FYB2: variants seen among roughly 807,000 people sequenced by gnomAD.
FYB2 encodes the protein FYN-binding protein 2.
FYB2 carries 103 observed loss-of-function variants against 94.1 expected under a neutral mutation model. That is an observed-to-expected ratio of 1.09 (90% CI 0.93 to 1.29). The LOEUF is 1.29. Among genes scored for constraint, FYB2 ranks in the 50% most tolerant of loss-of-function variants. The pLI is 0.00. For synonymous variants in FYB2, 293 were observed against 287.9 expected (o/e 1.02, Z -0.18); for missense variants, 896 against 841.5 (o/e 1.06, Z -0.80).
intron 1 of FYB2, among the ~76,000 whole-genome samples, chr1:56,817,739 G>A (rs766708445): frequency 6.6e-6 from 1 of 152,072 alleles, no homozygotes; most frequent in Non-Finnish European, 1.5e-5. Context: ...TTCTCTCTCT[G>A]AGCAGTGAAA....
chr1:56,758,511 C>G (rs1645412214), intron 6 of FYB2, among the ~76,000 whole-genome samples: 1 of 152,110 alleles, frequency 6.6e-6, no homozygotes, highest in Admixed American at 6.6e-5. Context: ...GGGACCATTT[C>G]CTCCCATCCT....
intron 1 of FYB2, among the ~76,000 whole-genome samples, chr1:56,794,275 C>T (rs61765528): frequency 0.051 from 7,768 of 152,230 alleles, 254 homozygotes; most frequent in Non-Finnish European, 0.081. Flanking sequence ...GTAGGCTTAC[C>T]TCCTGCTCCA....
In FYB2 at chr1:56,751,152, T is replaced by C; in HGVS notation, c.1279A>G (p.Thr427Ala). ...CCAGCCAACATGTTCCTTCTACCTG[T>C]GTGGACGTTGGTCATCTGAATTTTT... ...PEKIQMTNVHTGRRNMLAGKQ... is the reference protein window; with the variant it reads ...PEKIQMTNVHAGRRNMLAGKQ... Residue 427 changes from threonine to alanine, a missense_variant, in exon 9 of 20, where the codon ACA (threonine) becomes GCA (alanine). Transcript: ENST00000343433. The C allele has an allele frequency of 8.7e-6, 14 of 1,612,764 alleles. No homozygotes were observed. Among genetic ancestry groups the C allele is most frequent in the Non-Finnish European group, 1.1e-5 (13 of 1,179,198 alleles).
chr1:56,763,915 TTTGC>T (rs774464116), intron 5 of FYB2, among the ~76,000 whole-genome samples: 45 of 152,058 alleles, frequency 3.0e-4, no homozygotes, highest in Non-Finnish European at 5.6e-4. Context: ...TTCTTTTAGA[TTTGC>T]TTGGTTTCTT....
chr1:56,821,581 A>G (rs1646992447), upstream of FYB2, among the ~76,000 whole-genome samples: 1 of 152,214 alleles, frequency 6.6e-6, no homozygotes, highest in African/African-American at 2.4e-5. Flanking sequence ...ACAAATGGCC[A>G]TGGGAAAATC....
chr1:56,748,080 C>A (rs146874970), intron 9 of FYB2, among the ~76,000 whole-genome samples: 4,024 of 152,108 alleles, frequency 0.026, 190 homozygotes, highest in African/African-American at 0.092. Flanking sequence ...ATCCTTTGCC[C>A]ACTTTTTGAT....
Position 56,792,756 on chromosome 1 carries a change from A to C in FYB2, c.57T>G (p.Leu19=), listed in dbSNP as rs981350249. 1.9e-6 allele frequency: 3 copies of C among 1,613,654 alleles called. No homozygotes were observed. Among genetic ancestry groups the C allele is most frequent in the Non-Finnish European group, 2.5e-6 (3 of 1,179,828 alleles). Residue 19 remains leucine (L), a synonymous_variant, in exon 2 of 20, where the codon CTT becomes CTG. Coordinates refer to ENST00000343433, the MANE Select transcript of FYB2 (RefSeq NM_001004303.5). ...TAGGTCCTGGAAGAGGTGGAGCATC[A>C]AGATTTTGAAATTTGGCTCGAAGTT... ...FKELRAKFQN[L]DAPPLPGPIK... is the part of the protein sequence containing the mutation.
intron 16 of FYB2, among the ~76,000 whole-genome samples, chr1:56,724,064 C>T (rs857139): frequency 0.65 from 88,306 of 136,392 alleles, 26,042 homozygotes; most frequent in African/African-American, 0.71. Context: ...ATAACTTTTT[C>T]TTTTTTTTAG....
intron 15 of FYB2, among the ~76,000 whole-genome samples, chr1:56,726,861 G>A (rs1434488972): frequency 6.6e-6 from 1 of 152,000 alleles, no homozygotes; most frequent in Non-Finnish European, 1.5e-5. Flanking sequence ...GACCCCTGAT[G>A]TGTGGTAATC....
intron 4 of FYB2, among the ~76,000 whole-genome samples, chr1:56,779,218 A>C (rs2100885474): frequency 6.6e-6 from 1 of 152,338 alleles, no homozygotes; most frequent in East Asian, 1.9e-4. Flanking sequence ...CCCTGGGAAA[A>C]GTACAACATT....
rs1263173860 is a variant in FYB2 at position 56,719,700 on chromosome 1, A to G, written c.2166-8T>C. On this transcript the variant is annotated splice_polypyrimidine_tract_variant and splice_region_variant and intron_variant, in intron 19 of 19. Coordinates refer to ENST00000343433, the MANE Select transcript of FYB2 (RefSeq NM_001004303.5). ...GGTGACCAACTTTGATGCCTGTGAA[A>G]AAATAAAAATATGCAAACATTTTAA... 1.9e-6 allele frequency: 3 copies of G among 1,590,496 alleles called. No individual in the cohort carries two copies. The African/African-American group carries it at 4.0e-5, about 21-fold the overall frequency.
chr1:56,757,687 CTTCTTTCT>C (rs1191302491), intron 6 of FYB2, among the ~76,000 whole-genome samples: 1,360 of 71,880 alleles, frequency 0.019, 13 homozygotes, highest in East Asian at 0.052. Flanking sequence ...TCCTTCCTTC[CTTCTTTCT>C]TTCTTTCTTT....
chr1:56,750,471 C>T (rs1177593474), intron 9 of FYB2, among the ~76,000 whole-genome samples: 1 of 151,906 alleles, frequency 6.6e-6, no homozygotes, highest in Non-Finnish European at 1.5e-5. Flanking sequence ...CTGGATCCAA[C>T]CATGGCTAGA....
At chr1:56,797,686 C>T (rs1646431400) in intron 1 of FYB2, among the ~76,000 whole-genome samples, 1 of 152,140 alleles carries the variant, frequency 6.6e-6, no homozygotes, top group African/African-American at 2.4e-5. Context: ...TAGGAACTGC[C>T]CCATTCCCTT....
chr1:56,744,098 T>A, intron 10 of FYB2, 32 bp from the exon 11 acceptor site: 1 of 1,612,542 alleles, frequency 6.2e-7, no homozygotes, highest in Non-Finnish European at 8.5e-7. Context: ...ACCATTATTG[T>A]ACCTTTAAAG....
At chr1:56,819,544 C>T (rs1020580828), upstream of FYB2, 1 of 585,580 alleles carries the variant, frequency 1.7e-6, no homozygotes, top group Non-Finnish European at 3.0e-6. Context: ...GAGAGTACTC[C>T]ACCTGCAGTC....
chr1:56,754,319 T>C (rs1027788911), intron 7 of FYB2, among the ~76,000 whole-genome samples: 2 of 152,042 alleles, frequency 1.3e-5, no homozygotes, highest in Admixed American at 6.6e-5. Context: ...GCAACTCTCC[T>C]TTTTTATTAT....
upstream of FYB2, chr1:56,819,436 C>A: frequency 8.5e-7 from 1 of 1,172,922 alleles, no homozygotes; most frequent in South Asian, 1.4e-5. Context: ...TCCCCACCTG[C>A]CCCATCTGGG....
chr1:56,722,406 G>A (rs983538340), intron 17 of FYB2, among the ~76,000 whole-genome samples: 1 of 152,124 alleles, frequency 6.6e-6, no homozygotes, highest in Non-Finnish European at 1.5e-5. Flanking sequence ...TGATGAACAT[G>A]TAATTCCAAT....
Sources: gnomAD v4.1 joint callset for allele counts (sites outside exome capture counted in the v4.1 genomes callset) on GRCh38, gnomAD v4.1.1 for gene constraint, MANE v1.5 for transcripts, NCBI Gene and HGNC (gene_info 2026-07-23, HGNC 2026-07-21) for gene names.